Variants in SLC28A1 observed in about 807,000 individuals in gnomAD.
SLC28A1 encodes solute carrier family 28 member 1.
Under a neutral mutation model 74.8 loss-of-function variants are expected in SLC28A1, and 64 were observed. That is an observed-to-expected ratio of 0.86 (90% CI 0.70 to 1.05). The LOEUF (loss-of-function observed/expected upper bound fraction) is 1.05, where lower values mean the gene tolerates loss of function less well. Among genes scored for constraint, SLC28A1 ranks in the 50% least tolerant of loss-of-function variants. The pLI, the probability that SLC28A1 is intolerant of heterozygous loss-of-function variation, is 0.00. For missense variants in SLC28A1, 828 were observed against 822.8 expected (o/e 1.01, Z -0.08); for synonymous variants, 359 against 335.0 (o/e 1.07, Z -0.78).
rs769059554 is a variant in SLC28A1, at chr15:84,887,814, C to G, written c.54C>G (p.Ala18=). Residue 18 remains alanine, a synonymous_variant, in exon 3 of 19, where the codon GCC becomes GCG. Coordinates refer to ENST00000394573, the MANE Select transcript of SLC28A1 (RefSeq NM_004213.5). ...RRESISLTPV[A]KGLENMGADF... is the part of the protein sequence containing the mutation. ...AGTCCATCTCTCTCACACCTGTGGC[C>G]AAGGGTCTGGAGAACATGGGGGCTG... The G allele has an allele frequency of 6.2e-7, 1 of 1,614,070 alleles. No individual in the cohort carries two copies. Among genetic ancestry groups the G allele is most frequent in the Non-Finnish European group, 8.5e-7 (1 of 1,179,932 alleles).
At chr15:84,924,288 C>T (rs75364024) in intron 12 of SLC28A1, among the ~76,000 whole-genome samples, 178 bp downstream of exon 12, 31 of 151,708 alleles carry the variant, frequency 2.0e-4, no homozygotes, top group Non-Finnish European at 3.7e-4. Context: ...TCGGGCTTTG[C>T]GCATGGCCAC....
chr15:84,888,436 A>C (rs7164325), intron 3 of SLC28A1, among the ~76,000 whole-genome samples: 88,302 of 148,440 alleles, frequency 0.59, 26,439 homozygotes, highest in East Asian at 0.82. Flanking sequence ...CGGTGGGTGC[A>C]TGGTGCCCTG....
At chr15:84,928,590 CTT>C (rs1468860248) in intron 12 of SLC28A1, among the ~76,000 whole-genome samples, 16 of 15,314 alleles carry the variant, frequency 1.0e-3, no homozygotes, top group East Asian at 3.0e-3. Context: ...TTCTTTCTTT[CTT>C]TCTTTCTTTC....
chr15:84,934,610 T>C (rs1422123588), intron 13 of SLC28A1, among the ~76,000 whole-genome samples: 1 of 152,210 alleles, frequency 6.6e-6, no homozygotes, highest in African/African-American at 2.4e-5. Context: ...TTTCTAGTAG[T>C]TGTCTTTTAA....
At chr15:84,904,418 A>G (rs894698398) in intron 7 of SLC28A1, among the ~76,000 whole-genome samples, 180 bp downstream of exon 7, 3 of 152,126 alleles carry the variant, frequency 2.0e-5, no homozygotes, top group African/African-American at 7.2e-5. Context: ...AGTCTTCAAA[A>G]TCCCCAGCAG....
At chr15:84,948,961 T>C (rs1166703219), downstream of SLC28A1, among the ~76,000 whole-genome samples, 1 of 152,236 alleles carries the variant, frequency 6.6e-6, no homozygotes, top group Admixed American at 6.5e-5. Flanking sequence ...TCATCTCATA[T>C]GTATATCTTT....
chr15:84,950,891 G>T, the SLC28A1 span, among the ~76,000 whole-genome samples: 1 of 152,086 alleles, frequency 6.6e-6, no homozygotes, highest in East Asian at 1.9e-4. Context: ...ATATTGCCGT[G>T]TTACGACTAC....
chr15:84,970,153 G>A, the SLC28A1 span, among the ~76,000 whole-genome samples: 2 of 152,158 alleles, frequency 1.3e-5, no homozygotes, highest in East Asian at 3.8e-4. Flanking sequence ...CCATCCCCAG[G>A]TGCTAGCAGC....
At chr15:84,907,261 A>T (rs1967385677) in intron 8 of SLC28A1, among the ~76,000 whole-genome samples, 1 of 152,126 alleles carries the variant, frequency 6.6e-6, no homozygotes, top group Admixed American at 6.5e-5. Context: ...CTCAGTCTAA[A>T]CTAATGGTCT....
At chr15:84,973,464 A>T in the SLC28A1 span, among the ~76,000 whole-genome samples, 6 of 152,178 alleles carry the variant, frequency 3.9e-5, no homozygotes, top group African/African-American at 1.4e-4. Flanking sequence ...GCCAATTGCC[A>T]TGGCCAGGGA....
At chr15:84,895,638 G>A in intron 6 of SLC28A1, 4 of 1,445,822 alleles carry the variant, frequency 2.8e-6, no homozygotes, top group Non-Finnish European at 3.6e-6. Context: ...TCACAGGGCA[G>A]GAGAGGGAGG....
At position 84,901,986 on chromosome 15, in the gene SLC28A1, C is replaced by T. The variant is rs573816541; in HGVS notation, c.462-2111C>T. On this transcript the variant is annotated intron_variant, in intron 6 of 18. Coordinates refer to ENST00000394573, the MANE Select transcript of SLC28A1 (RefSeq NM_004213.5). ...GTCCATCAATAGGTGAACTGATAAG[C>T]AAAGTGTGGTATATCCATATAATGG... Among the ~76,000 whole-genome samples, 10 of 152,224 alleles carry T rather than the reference C, an allele frequency of 6.6e-5. No homozygotes were observed. The South Asian group carries it at 2.1e-3, about 32-fold the overall frequency.
intron 15 of SLC28A1, among the ~76,000 whole-genome samples, chr15:84,941,326 C>T (rs1406982898): frequency 2.0e-5 from 3 of 151,818 alleles, no homozygotes; most frequent in Non-Finnish European, 4.4e-5. Context: ...CTGCCTCAGC[C>T]TCCCAAGTAG....
At chr15:84,943,822 A>C (rs1972990252) in intron 16 of SLC28A1, among the ~76,000 whole-genome samples, 1 of 152,044 alleles carries the variant, frequency 6.6e-6, no homozygotes, top group African/African-American at 2.4e-5. Context: ...CCAGCTACTC[A>C]GGAAGCTGAA....
intron 12 of SLC28A1, among the ~76,000 whole-genome samples, chr15:84,928,162 A>AC (rs1329803029): frequency 6.6e-6 from 1 of 152,064 alleles, no homozygotes; most frequent in Non-Finnish European, 1.5e-5. Context: ...GGGCCTGGGT[A>AC]CCCACTTCCC....
the SLC28A1 span, among the ~76,000 whole-genome samples, chr15:84,953,816 G>T: frequency 6.6e-6 from 1 of 152,168 alleles, no homozygotes; most frequent in Non-Finnish European, 1.5e-5. Flanking sequence ...AAATCAGAGG[G>T]GTATATTACT....
chr15:84,916,080 A>T (rs1596297788), intron 9 of SLC28A1, among the ~76,000 whole-genome samples: 1 of 151,414 alleles, frequency 6.6e-6, no homozygotes, highest in East Asian at 1.9e-4. Context: ...CTCATGCCTC[A>T]GCCTTCCGAG....
At chr15:84,952,397 G>A in the SLC28A1 span, among the ~76,000 whole-genome samples, 10 of 152,218 alleles carry the variant, frequency 6.6e-5, no homozygotes, top group South Asian at 1.5e-3. Flanking sequence ...ATGGACACAC[G>A]AAATGCTGCT....
chr15:84,946,617 T>A (rs1260994998), downstream of SLC28A1, among the ~76,000 whole-genome samples: 3 of 152,124 alleles, frequency 2.0e-5, no homozygotes, highest in Non-Finnish European at 4.4e-5. Context: ...CCCCTCCTCA[T>A]GCATCTTCTG....
Sources: gnomAD v4.1 joint callset for allele counts (sites outside exome capture counted in the v4.1 genomes callset) on GRCh38, gnomAD v4.1.1 for gene constraint, MANE v1.5 for transcripts, NCBI Gene and HGNC (gene_info 2026-07-23, HGNC 2026-07-21) for gene names.